Variants in CNTNAP5 observed in about 807,000 individuals in gnomAD.
CNTNAP5 encodes the protein contactin associated protein family member 5, also known as contactin-associated protein-like 5.
In CNTNAP5, 72 loss-of-function variants were observed where a neutral mutation model predicts 150.2. The observed-to-expected ratio is 0.48, with a 90% CI of 0.40 to 0.58. CNTNAP5 has a LOEUF of 0.58. Ranked by LOEUF, CNTNAP5 falls within the 20% of genes least tolerant of loss-of-function variation. CNTNAP5 has a pLI of 0.00. For synonymous variants in CNTNAP5, 672 were observed against 619.8 expected (o/e 1.08, Z -1.25); for missense variants, 1,636 against 1,626.2 (o/e 1.01, Z -0.10).
intron 4 of CNTNAP5, among the ~76,000 whole-genome samples, chr2:124,428,673 A>AT (rs68135556): frequency 0.091 from 13,303 of 146,034 alleles, 933 homozygotes; most frequent in African/African-American, 0.2. Flanking sequence ...AGCAATCAGC[A>AT]TTTTTTTTTT....
chr2:124,592,479 C>T (rs1696710138), intron 11 of CNTNAP5, among the ~76,000 whole-genome samples: 1 of 151,016 alleles, frequency 6.6e-6, no homozygotes, highest in Non-Finnish European at 1.5e-5. Context: ...AGTGACCACT[C>T]ATAGAAAAAT....
At chr2:124,567,981 A>T (rs1401283663) in intron 11 of CNTNAP5, among the ~76,000 whole-genome samples, 1 of 152,194 alleles carries the variant, frequency 6.6e-6, no homozygotes, top group East Asian at 1.9e-4. Flanking sequence ...CAGAAAGCTT[A>T]TGTAAATTCC....
At chr2:124,098,543 G>C (rs996636685) in intron 1 of CNTNAP5, among the ~76,000 whole-genome samples, 1 of 152,110 alleles carries the variant, frequency 6.6e-6, no homozygotes, top group Non-Finnish European at 1.5e-5. Context: ...ATTACGTGTA[G>C]TAAATCATAA....
At chr2:124,038,837 G>A (rs1255464416) in intron 1 of CNTNAP5, among the ~76,000 whole-genome samples, 1 of 152,140 alleles carries the variant, frequency 6.6e-6, no homozygotes, top group Non-Finnish European at 1.5e-5. Context: ...CTAGGTACAA[G>A]AACATTTGAG....
intron 11 of CNTNAP5, among the ~76,000 whole-genome samples, chr2:124,590,711 G>T (rs1696659759): frequency 1.3e-5 from 2 of 152,106 alleles, no homozygotes; most frequent in South Asian, 4.1e-4. Context: ...TATTGCTGGG[G>T]ACATAGGAAC....
At chr2:124,633,721 C>T (rs1042492715) in intron 12 of CNTNAP5, among the ~76,000 whole-genome samples, 3 of 152,152 alleles carry the variant, frequency 2.0e-5, no homozygotes, top group African/African-American at 4.8e-5. Flanking sequence ...GGGCTCTATC[C>T]CTGGAGCAGG....
intron 19 of CNTNAP5, among the ~76,000 whole-genome samples, chr2:124,819,988 A>G (rs141401490): frequency 2.8e-3 from 421 of 152,316 alleles, no homozygotes; most frequent in Non-Finnish European, 3.7e-3. Context: ...TTAAGGCTCT[A>G]GAGCCACACA....
At chr2:124,292,657 A>G (rs1688326593) in intron 3 of CNTNAP5, among the ~76,000 whole-genome samples, 1 of 152,034 alleles carries the variant, frequency 6.6e-6, no homozygotes, top group Non-Finnish European at 1.5e-5. Flanking sequence ...TAATATTTTT[A>G]TTAAAGAAAG....
At chr2:124,469,607 CA>C (rs79997968) in intron 6 of CNTNAP5, among the ~76,000 whole-genome samples, 18,756 of 151,726 alleles carry the variant, frequency 0.12, 1,922 homozygotes, top group African/African-American at 0.26. Flanking sequence ...GGTAAATGTG[CA>C]GGATGTGCAG....
chr2:124,727,484 C>A (rs925753980), intron 13 of CNTNAP5, among the ~76,000 whole-genome samples: 2 of 151,772 alleles, frequency 1.3e-5, no homozygotes, highest in South Asian at 2.1e-4. Context: ...TGTCTTTCAC[C>A]ATTTCGTTTA....
intron 21 of CNTNAP5, among the ~76,000 whole-genome samples, chr2:124,882,562 T>A (rs72848783): frequency 6.6e-6 from 1 of 152,224 alleles, no homozygotes; most frequent in Non-Finnish European, 1.5e-5. Context: ...AGGCCAGATC[T>A]TCTCTATGAA....
chr2:124,486,315 A>G (rs537599164), intron 7 of CNTNAP5, among the ~76,000 whole-genome samples: 3 of 152,154 alleles, frequency 2.0e-5, no homozygotes, highest in Non-Finnish European at 4.4e-5. Flanking sequence ...GGGTGGCTGG[A>G]GGGTGAGGGA....
chr2:124,454,961 C>A (rs1204640091), intron 6 of CNTNAP5, among the ~76,000 whole-genome samples: 2 of 151,974 alleles, frequency 1.3e-5, no homozygotes, highest in African/African-American at 4.8e-5. Flanking sequence ...CACAAGCAGA[C>A]AATCTAAGGT....
intron 3 of CNTNAP5, among the ~76,000 whole-genome samples, chr2:124,326,504 G>T (rs1689221909): frequency 6.6e-6 from 1 of 152,150 alleles, no homozygotes; most frequent in Non-Finnish European, 1.5e-5. Context: ...TTATTAGAAA[G>T]TAAGTTTATT....
intron 13 of CNTNAP5, among the ~76,000 whole-genome samples, chr2:124,736,927 C>T (rs889800236): frequency 6.6e-6 from 1 of 152,104 alleles, no homozygotes; most frequent in Non-Finnish European, 1.5e-5. Flanking sequence ...TTTCCTAATT[C>T]CAATGGGGAA....
At chr2:124,543,421 T>C (rs912681050) in intron 10 of CNTNAP5, among the ~76,000 whole-genome samples, 5 of 152,164 alleles carry the variant, frequency 3.3e-5, no homozygotes, top group Non-Finnish European at 5.9e-5. Context: ...TAAGATCTGC[T>C]GAGTGTACCC....
intron 1 of CNTNAP5, among the ~76,000 whole-genome samples, chr2:124,107,533 G>T (rs1011002127): frequency 7.2e-5 from 11 of 152,086 alleles, no homozygotes; most frequent in African/African-American, 2.7e-4. Context: ...GTCTAATCTT[G>T]GATTTTTTAA....
chr2:124,652,075 T>C (rs1009374707), intron 13 of CNTNAP5, among the ~76,000 whole-genome samples: 4 of 152,234 alleles, frequency 2.6e-5, no homozygotes, highest in Non-Finnish European at 5.9e-5. Context: ...ACTGTCATTT[T>C]ATGACAGTCT....
intron 4 of CNTNAP5, among the ~76,000 whole-genome samples, chr2:124,427,718 A>G (rs935145720): frequency 6.6e-6 from 1 of 152,052 alleles, no homozygotes; most frequent in African/African-American, 2.4e-5. Context: ...CAGCCTCCCA[A>G]AGTGTTGGGA....
Sources: allele counts gnomAD v4.1 joint callset (sites outside exome capture counted in the v4.1 genomes callset), GRCh38; gene constraint gnomAD v4.1.1; transcripts MANE v1.5; gene names NCBI Gene and HGNC (gene_info 2026-07-23, HGNC 2026-07-21).